ARHGEF12: variants seen among roughly 807,000 people sequenced by gnomAD.
The protein encoded by ARHGEF12 is Rho guanine nucleotide exchange factor 12.
Under a neutral mutation model 211.2 loss-of-function variants are expected in ARHGEF12, and 66 were observed. The observed-to-expected ratio is 0.31, with a 90% CI of 0.26 to 0.38. The LOEUF (loss-of-function observed/expected upper bound fraction) is 0.38, where lower values mean the gene tolerates loss of function less well. ARHGEF12 is among the 10% of genes least tolerant of loss of function. The pLI is 1.00. For missense variants in ARHGEF12, 1,429 were observed against 1,869.5 expected (o/e 0.76, Z 4.34); for synonymous variants, 592 against 638.4 (o/e 0.93, Z 1.09).
At chr11:120,460,607 G>T in intron 26 of ARHGEF12, 65 bp from the exon 27 acceptor site, 1 of 1,359,232 alleles carries the variant, frequency 7.4e-7, no homozygotes, top group Non-Finnish European at 1.0e-6. Flanking sequence ...TAGCTACTCT[G>T]TACTACCAGT....
chr11:120,459,858 G>A (rs1189523590), intron 26 of ARHGEF12, among the ~76,000 whole-genome samples: 1 of 152,016 alleles, frequency 6.6e-6, no homozygotes, highest in Non-Finnish European at 1.5e-5. Context: ...ACAGGCGTGC[G>A]CCACCACACC....
intron 22 of ARHGEF12, among the ~76,000 whole-genome samples, chr11:120,454,292 A>G (rs1030905489): frequency 1.3e-5 from 2 of 152,210 alleles, no homozygotes; most frequent in African/African-American, 4.8e-5. Flanking sequence ...ACAATGACAT[A>G]AAGAGAGAAT....
intron 8 of ARHGEF12, 64 bp downstream of exon 8, chr11:120,428,311 G>A: frequency 7.4e-7 from 1 of 1,343,806 alleles, no homozygotes; most frequent in Non-Finnish European, 9.8e-7. Context: ...ACTTTATATG[G>A]AGAGTTTTCA....
At position 120,352,624 on chromosome 11, in the gene ARHGEF12, G is replaced by A. The variant is rs141455257; in HGVS notation, c.32+15349G>A. Among the ~76,000 whole-genome samples, 22 of 151,150 alleles carry A rather than the reference G, an allele frequency of 1.5e-4. No individual in the cohort carries two copies. In the South Asian group the frequency reaches 2.3e-3, roughly 16 times the overall value. On this transcript the variant is annotated intron_variant, in intron 1 of 40. Coordinates refer to ENST00000397843, the MANE Select transcript of ARHGEF12 (RefSeq NM_015313.3). ...AAACACTTGTGTTTTTTTTCTTTTC[G>A]CCGTGTGGGTGGGGAAAGGGGTGTG...
intron 30 of ARHGEF12, among the ~76,000 whole-genome samples, 165 bp downstream of exon 30, chr11:120,469,553 A>G (rs1476420638): frequency 2.0e-5 from 3 of 152,198 alleles, no homozygotes; most frequent in Admixed American, 2.0e-4. Flanking sequence ...TCTGTGATAG[A>G]ATATCGGAGT....
At position 120,460,656 on chromosome 11, in the gene ARHGEF12, A is replaced by C. The variant is rs368558892; in HGVS notation, c.2528-16A>C. ...CTGAATGTGTTACTAACGTTTTTCT[A>C]TCTTTTTATCTTTAGTTGGATTGAA... On this transcript the variant is annotated splice_polypyrimidine_tract_variant and intron_variant, in intron 26 of 40. Coordinates refer to ENST00000397843, the MANE Select transcript of ARHGEF12 (RefSeq NM_015313.3). The C allele has an allele frequency of 3.7e-6, 6 of 1,607,058 alleles. No individual in the cohort carries two copies. The highest frequency in any genetic ancestry group is 3.3e-5 in the Admixed American group (2 of 59,846).
Position 120,474,649 on chromosome 11 carries a change from T to C in ARHGEF12, c.3109+14T>C. On this transcript the variant is annotated intron_variant, in intron 32 of 40. Transcript: ENST00000397843. ...ATAAAACTATTGGTAGGTCTGATAT[T>C]GTCTTTTAGTTTTGGGGAGAGTGGC... 1 of 1,593,088 alleles carries C rather than the reference T, an allele frequency of 6.3e-7. No individual in the cohort carries two copies. Among genetic ancestry groups the C allele is most frequent in the Non-Finnish European group, 8.5e-7 (1 of 1,172,308 alleles).
At chr11:120,409,198 C>T in intron 3 of ARHGEF12, 196 bp from the exon 4 acceptor site, 1 of 532,960 alleles carries the variant, frequency 1.9e-6, no homozygotes, top group East Asian at 3.0e-5. Flanking sequence ...ACTGTCTTTT[C>T]TTCGATAAAT....
chr11:120,384,990 A>G (rs1159888611), intron 1 of ARHGEF12, among the ~76,000 whole-genome samples: 1 of 151,574 alleles, frequency 6.6e-6, no homozygotes, highest in South Asian at 2.1e-4. Context: ...ATTTTTTGGC[A>G]CTGTATTTGG....
At chr11:120,430,604 C>T (rs1438456808) in intron 10 of ARHGEF12, among the ~76,000 whole-genome samples, 2 of 152,106 alleles carry the variant, frequency 1.3e-5, no homozygotes, top group Admixed American at 6.6e-5. Flanking sequence ...CATCTTAAAG[C>T]AAAGTAGATA....
intron 4 of ARHGEF12, 129 bp from the exon 5 acceptor site, chr11:120,420,624 C>T (rs902872501): frequency 4.4e-6 from 3 of 680,020 alleles, no homozygotes; most frequent in African/African-American, 3.6e-5. Flanking sequence ...CTTATTTTAC[C>T]ATGTGGATTT....
At chr11:120,352,772 A>G (rs1174907804) in intron 1 of ARHGEF12, among the ~76,000 whole-genome samples, 2 of 152,038 alleles carry the variant, frequency 1.3e-5, no homozygotes, top group East Asian at 1.9e-4. Flanking sequence ...GGCCCTACCT[A>G]TTGTCATTCT....
intron 1 of ARHGEF12, among the ~76,000 whole-genome samples, chr11:120,358,280 A>C (rs4938802): frequency 1.3e-5 from 2 of 152,126 alleles, no homozygotes; most frequent in South Asian, 4.2e-4. Context: ...GCGAAGAGAC[A>C]AAGTTATTAA....
intron 27 of ARHGEF12, chr11:120,464,037 A>G (rs1219366544): frequency 3.3e-5 from 5 of 152,264 alleles, no homozygotes; most frequent in African/African-American, 1.2e-4. Context: ...TACAAATTAA[A>G]AAACATTAGT....
intron 29 of ARHGEF12, among the ~76,000 whole-genome samples, chr11:120,467,606 C>CTTTTT (rs71050748): frequency 2.8e-5 from 3 of 106,918 alleles, no homozygotes; most frequent in South Asian, 3.3e-4. Flanking sequence ...CCACACTTGG[C>CTTTTT]TTTTTTTTTT....
chr11:120,457,140 A>G lies in ARHGEF12; in HGVS notation c.2079A>G (p.Thr693=). 6.2e-7 allele frequency: 1 copy of G among 1,613,978 alleles called. No homozygotes were observed. Among genetic ancestry groups the G allele is most frequent in the Non-Finnish European group, 8.5e-7 (1 of 1,179,930 alleles). Residue 693 remains threonine, a synonymous_variant, in exon 23 of 41, where the codon ACA becomes ACG. Coordinates refer to ENST00000397843, the MANE Select transcript of ARHGEF12 (RefSeq NM_015313.3). Reference sequence around the variant, plus strand: ...CAGGATCAAAGCAAGTTGGAGAAACATCAGCACCTGGAGACACCTTAGATG... The same window carrying G: ...CAGGATCAAAGCAAGTTGGAGAAACGTCAGCACCTGGAGACACCTTAGATG... ...NDTGSKQVGE[T]SAPGDTLDGT...
chr11:120,396,285 A>G (rs964962527), intron 1 of ARHGEF12, among the ~76,000 whole-genome samples: 4 of 152,258 alleles, frequency 2.6e-5, no homozygotes, highest in South Asian at 2.1e-4. Context: ...CCTTACAGGA[A>G]AATTTCAAAT....
intron 1 of ARHGEF12, among the ~76,000 whole-genome samples, chr11:120,353,289 G>A (rs1943042038): frequency 6.6e-6 from 1 of 152,164 alleles, no homozygotes; most frequent in Non-Finnish European, 1.5e-5. Context: ...CTTGTGCCCG[G>A]TATTATACCA....
intron 1 of ARHGEF12, among the ~76,000 whole-genome samples, chr11:120,389,261 T>C (rs1414895719): frequency 1.3e-5 from 2 of 152,226 alleles, no homozygotes; most frequent in Admixed American, 6.5e-5. Flanking sequence ...CTCTCTTTAA[T>C]ACTTTTATTG....
Sources: allele counts gnomAD v4.1 joint callset (sites outside exome capture counted in the v4.1 genomes callset), GRCh38; gene constraint gnomAD v4.1.1; transcripts MANE v1.5; gene names NCBI Gene and HGNC (gene_info 2026-07-23, HGNC 2026-07-21).